Variants in KLF12 observed in about 807,000 individuals in gnomAD.
The protein encoded by KLF12 is KLF transcription factor 12.
KLF12 carries 9 observed loss-of-function variants against 37.8 expected under a neutral mutation model. The ratio of observed to expected loss-of-function variants is 0.24; its 90% CI spans 0.14 to 0.42. The LOEUF (loss-of-function observed/expected upper bound fraction) is 0.42, where lower values mean the gene tolerates loss of function less well. Among genes scored for constraint, KLF12 ranks in the 10% least tolerant of loss-of-function variants. The pLI, the probability that KLF12 is intolerant of heterozygous loss-of-function variation, is 1.00. For missense variants in KLF12, 411 were observed against 516.0 expected (o/e 0.80, Z 1.97); for synonymous variants, 208 against 202.1 (o/e 1.03, Z -0.25).
At position 73,818,428 on chromosome 13, in the gene KLF12, T is replaced by G. The variant is rs190658779; in HGVS notation, c.671-5141A>C. Among the ~76,000 whole-genome samples the G allele has an allele frequency of 1.2e-4, 19 of 152,352 alleles. No homozygotes were observed. The East Asian group carries it at 2.9e-3, about 23-fold the overall frequency. On this transcript the variant is annotated intron_variant, in intron 4 of 7. Coordinates refer to ENST00000377669, the MANE Select transcript of KLF12 (RefSeq NM_007249.5). ...TCATGTTTTTTCTCTTCAGCTCACA[T>G]GAGACATTTAAACTTTGCTTGTTTC... is the stretch of plus-strand genomic sequence containing the variant.
chr13:73,990,760 TAATC>T (rs756873250), intron 2 of KLF12, among the ~76,000 whole-genome samples: 5 of 152,164 alleles, frequency 3.3e-5, no homozygotes, highest in Non-Finnish European at 7.3e-5. Flanking sequence ...AATATGAAAT[TAATC>T]TATTAGGCTT....
chr13:74,229,986 G>A, the KLF12 span, among the ~76,000 whole-genome samples: 1 of 152,066 alleles, frequency 6.6e-6, no homozygotes, highest in Non-Finnish European at 1.5e-5. Flanking sequence ...ATGGGTAGAT[G>A]AGGTACATTA....
chr13:74,136,637 A>G (rs1462043892), upstream of KLF12, among the ~76,000 whole-genome samples: 4 of 152,226 alleles, frequency 2.6e-5, no homozygotes, highest in African/African-American at 9.6e-5. Flanking sequence ...AGCAAACTGC[A>G]CTGCCTTCCT....
At chr13:74,027,702 A>G (rs1180392436) in intron 1 of KLF12, among the ~76,000 whole-genome samples, 1 of 152,230 alleles carries the variant, frequency 6.6e-6, no homozygotes, top group African/African-American at 2.4e-5. Flanking sequence ...GAAATCAGCA[A>G]TTGAATCTAC....
chr13:73,743,270 G>C (rs1178263941), intron 6 of KLF12, among the ~76,000 whole-genome samples: 1 of 152,152 alleles, frequency 6.6e-6, no homozygotes, highest in Non-Finnish European at 1.5e-5. Flanking sequence ...TGGGAGTGAG[G>C]AGTTAGGCAT....
intron 1 of KLF12, among the ~76,000 whole-genome samples, chr13:74,113,888 T>C (rs1877125940): frequency 6.6e-6 from 1 of 152,196 alleles, no homozygotes; most frequent in African/African-American, 2.4e-5. Flanking sequence ...ATATTTGTGA[T>C]TTATGCAAGG....
intron 1 of KLF12, among the ~76,000 whole-genome samples, chr13:74,066,292 C>A (rs1593871031): frequency 6.6e-6 from 1 of 152,202 alleles, no homozygotes; most frequent in Non-Finnish European, 1.5e-5. Flanking sequence ...AAAAGTCCAG[C>A]ACACTTTTCT....
chr13:74,270,669 G>A, the KLF12 span, among the ~76,000 whole-genome samples: 2 of 152,198 alleles, frequency 1.3e-5, no homozygotes, highest in African/African-American at 4.8e-5. Context: ...AGTTCTGTGA[G>A]TTGTTCTGTA....
intron 3 of KLF12, among the ~76,000 whole-genome samples, chr13:73,870,916 C>G (rs879641414): frequency 6.6e-6 from 1 of 152,096 alleles, no homozygotes; most frequent in African/African-American, 2.4e-5. Flanking sequence ...TTTGGGGAAA[C>G]TGGGATCAGT....
chr13:73,807,709 G>A (rs1882720777), intron 5 of KLF12, among the ~76,000 whole-genome samples: 1 of 152,168 alleles, frequency 6.6e-6, no homozygotes, highest in Non-Finnish European at 1.5e-5. Context: ...AAGTTAAACA[G>A]TAACATGTAA....
the KLF12 span, among the ~76,000 whole-genome samples, chr13:74,151,417 G>A: frequency 2.0e-5 from 3 of 152,178 alleles, no homozygotes; most frequent in Non-Finnish European, 4.4e-5. Context: ...TAGGGAGCCC[G>A]AGGTGGGCGG....
At chr13:73,700,304 G>GA (rs1566305134) in intron 7 of KLF12, among the ~76,000 whole-genome samples, 1 of 150,752 alleles carries the variant, frequency 6.6e-6, no homozygotes, top group African/African-American at 2.4e-5. Flanking sequence ...TAATTAAAAA[G>GA]AAAAAATAAT....
At chr13:74,105,010 A>C (rs1180666111) in intron 1 of KLF12, among the ~76,000 whole-genome samples, 1 of 152,238 alleles carries the variant, frequency 6.6e-6, no homozygotes, top group Non-Finnish European at 1.5e-5. Context: ...CATAAGCTGC[A>C]GAGTCCACAG....
At chr13:74,135,306 CCCCCGCGGG>C (rs1878504439), upstream of KLF12, among the ~76,000 whole-genome samples, 1 of 151,724 alleles carries the variant, frequency 6.6e-6, no homozygotes, top group South Asian at 2.1e-4. Context: ...GATCTGCAGA[CCCCCGCGGG>C]GCCCGGGGGC....
chr13:74,031,750 A>T (rs1893119824), intron 1 of KLF12, among the ~76,000 whole-genome samples: 2 of 152,066 alleles, frequency 1.3e-5, no homozygotes, highest in South Asian at 4.1e-4. Context: ...AGATTAAATT[A>T]ACTTATGATT....
At chr13:74,120,471 C>T (rs540300150) in intron 1 of KLF12, among the ~76,000 whole-genome samples, 4 of 151,674 alleles carry the variant, frequency 2.6e-5, no homozygotes, top group Non-Finnish European at 4.4e-5. Context: ...CAGAGCGAGA[C>T]TGTCTCAAAA....
intron 4 of KLF12, among the ~76,000 whole-genome samples, chr13:73,835,607 C>T (rs902297798): frequency 7.2e-5 from 11 of 152,006 alleles, no homozygotes; most frequent in African/African-American, 2.7e-4. Flanking sequence ...AGGGAAGGGG[C>T]TGAGTGAAAG....
chr13:74,140,781 C>G, the KLF12 span, among the ~76,000 whole-genome samples: 2 of 151,982 alleles, frequency 1.3e-5, no homozygotes. Context: ...GAGCAGGGTG[C>G]GGTGGCTCAT....
chr13:74,143,448 T>C, the KLF12 span, among the ~76,000 whole-genome samples: 1 of 150,472 alleles, frequency 6.6e-6, no homozygotes, highest in African/African-American at 2.4e-5. Flanking sequence ...GACACTCCTA[T>C]TTTTTAAACC....
Sources: allele counts gnomAD v4.1 joint callset (sites outside exome capture counted in the v4.1 genomes callset), GRCh38; gene constraint gnomAD v4.1.1; transcripts MANE v1.5; gene names NCBI Gene and HGNC (gene_info 2026-07-23, HGNC 2026-07-21).